Variants in IFT57 observed in about 807,000 individuals in gnomAD.
IFT57 encodes the protein intraflagellar transport 57, also known as intraflagellar transport protein 57 homolog.
IFT57 carries 59 observed loss-of-function variants against 56.8 expected under a neutral mutation model. That is an observed-to-expected ratio of 1.04 (90% confidence interval 0.84 to 1.29). The LOEUF is 1.29. IFT57 is among the 50% of genes most tolerant of loss of function. The probability of loss-of-function intolerance (pLI) is 0.00; values close to 1 mark genes in which losing one functional copy is unlikely to be tolerated. For synonymous variants in IFT57, 209 were observed against 186.1 expected (o/e 1.12, Z -1.00); for missense variants, 470 against 522.1 (o/e 0.90, Z 0.97).
intron 5 of IFT57, among the ~76,000 whole-genome samples, chr3:108,205,979 TAATATATAATA>T (rs1258105214): frequency 1.2e-3 from 68 of 55,068 alleles, no homozygotes; most frequent in East Asian, 2.4e-3. Context: ...TATTTATATA[TAATATATAATA>T]TATTTATGTT....
At position 108,218,575 on chromosome 3, in the gene IFT57, C is replaced by T. The variant is rs762931549; in HGVS notation, c.454G>A (p.Ala152Thr). 14 of 1,558,792 alleles carry T rather than the reference C, an allele frequency of 9.0e-6. No homozygotes were observed. The highest frequency in any genetic ancestry group is 4.2e-5 in the African/African-American group (3 of 71,692). Residue 152 changes from alanine (A) to threonine (T), a missense_variant, in exon 3 of 11, where the codon GCT becomes ACT. Ala to Thr is a moderately conservative substitution (Grantham distance 58). Coordinates refer to ENST00000264538, the MANE Select transcript of IFT57 (RefSeq NM_018010.4). ...CCAATATATTTCAATGCTTCTTCAGCGAAGCAATCAAGAACATAGCATACA... is the reference window on the plus strand; with the variant it reads ...CCAATATATTTCAATGCTTCTTCAGTGAAGCAATCAAGAACATAGCATACA... ...EHVCYVLDCFAEEALKYIGFT... is the reference protein window; with the variant it reads ...EHVCYVLDCFTEEALKYIGFT...
chr3:108,191,755 TTA>T (rs1560114079), intron 5 of IFT57, 112 bp from the exon 6 acceptor site: 3 of 557,792 alleles, frequency 5.4e-6, no homozygotes, highest in Non-Finnish European at 8.5e-6. Context: ...AGTGTTAAAA[TTA>T]TAGTGGAAGA....
At chr3:108,187,289 G>A (rs1158026397) in intron 6 of IFT57, among the ~76,000 whole-genome samples, 1 of 152,094 alleles carries the variant, frequency 6.6e-6, no homozygotes, top group Non-Finnish European at 1.5e-5. Flanking sequence ...CATTCTTTGA[G>A]AACTGGCAAT....
chr3:108,213,333 A>T (rs62267894), intron 4 of IFT57, among the ~76,000 whole-genome samples: 13,890 of 152,150 alleles, frequency 0.091, 694 homozygotes, highest in Middle Eastern at 0.12. Flanking sequence ...TCAAATCACA[A>T]GCACACTTCC....
chr3:108,163,753 G>GAA, intron 9 of IFT57, 24 bp from the exon 10 acceptor site: 1 of 1,432,538 alleles, frequency 7.0e-7, no homozygotes, highest in South Asian at 1.2e-5. Flanking sequence ...AAGTTTTCAT[G>GAA]AGCATTACAT....
chr3:108,211,422 G>A (rs1283170990), intron 4 of IFT57, among the ~76,000 whole-genome samples: 1 of 152,200 alleles, frequency 6.6e-6, no homozygotes, highest in African/African-American at 2.4e-5. Context: ...AAAACAATCT[G>A]AACTTGGTCT....
intron 5 of IFT57, among the ~76,000 whole-genome samples, chr3:108,205,870 T>G (rs2080307504): frequency 7.4e-6 from 1 of 135,374 alleles, no homozygotes; most frequent in African/African-American, 2.7e-5. Flanking sequence ...TATAACATAT[T>G]TATTATATAT....
chr3:108,190,981 C>T (rs774910025), intron 6 of IFT57, among the ~76,000 whole-genome samples: 11 of 151,938 alleles, frequency 7.2e-5, no homozygotes, highest in East Asian at 1.9e-4. Flanking sequence ...TTAGTAGAGA[C>T]GGGGTTTCAC....
At chr3:108,206,548 C>G in intron 5 of IFT57, 80 bp downstream of exon 5, 1 of 574,636 alleles carries the variant, frequency 1.7e-6, no homozygotes, top group Admixed American at 3.0e-5. Flanking sequence ...TGGCCAACAA[C>G]GGTTTCTACT....
chr3:108,191,585 T>A lies in IFT57; in HGVS notation c.713A>T (p.Glu238Val). The change falls in exon 6 of 11, where the codon GAA becomes GTA. Residue 238 changes from glutamate (E) to valine (V), a missense_variant. Physicochemically the swap from Glu to Val is moderately radical, Grantham distance 121. Coordinates refer to ENST00000264538, the MANE Select transcript of IFT57 (RefSeq NM_018010.4). ...DILESTTDAA[E>V]WSLEVERVLP... The stretch of plus-strand genomic sequence containing the variant: ...TACACGTTCCACTTCTAGGCTCCAT[T>A]CTGCAGCATCTGTTGTGGATTCCAA... 6.2e-7 allele frequency: 1 copy of A among 1,609,836 alleles called. No homozygotes were observed. The highest frequency in any genetic ancestry group is 1.1e-5 in the South Asian group (1 of 90,910).
intron 5 of IFT57, among the ~76,000 whole-genome samples, chr3:108,202,607 T>C (rs1181091901): frequency 6.6e-6 from 1 of 152,196 alleles, no homozygotes; most frequent in African/African-American, 2.4e-5. Context: ...TGAAGCCTAA[T>C]ATCCATTCGT....
chr3:108,170,456 C>T (rs1436181894), intron 6 of IFT57, among the ~76,000 whole-genome samples: 1 of 151,792 alleles, frequency 6.6e-6, no homozygotes, highest in Admixed American at 6.6e-5. Flanking sequence ...TGTGAAGGAC[C>T]TCTTCAAGGA....
At chr3:108,201,446 A>T (rs999555236) in intron 5 of IFT57, among the ~76,000 whole-genome samples, 2 of 152,180 alleles carry the variant, frequency 1.3e-5, no homozygotes, top group African/African-American at 4.8e-5. Flanking sequence ...TCCAGATGTA[A>T]AACTGATGGG....
rs1317938805 is a variant in IFT57, at chr3:108,162,513, G to A, written c.1254C>T (p.Ala418=). 1.2e-6 allele frequency: 2 copies of A among 1,608,848 alleles called. No homozygotes were observed. Among genetic ancestry groups the A allele is most frequent in the East Asian group, 2.2e-5 (1 of 44,778 alleles). Residue 418 remains alanine, a synonymous_variant, in exon 11 of 11, where the codon GCC becomes GCT. Coordinates refer to ENST00000264538, the MANE Select transcript of IFT57 (RefSeq NM_018010.4). ...CTGTTGCTGGTTCTGGAATAACTGT[G>A]GCATGCATGTTCCTAGTCATGTTGG... ...EKSNMTRNMH[A]TVIPEPATGF...
intron 3 of IFT57, among the ~76,000 whole-genome samples, chr3:108,214,881 T>C (rs1020175923): frequency 4.6e-5 from 7 of 152,314 alleles, no homozygotes; most frequent in African/African-American, 1.2e-4. Context: ...AAGATTGTTA[T>C]AGTTCTTCTT....
rs781042192 is a variant in IFT57 at position 108,162,497 on chromosome 3, G to A, written c.1270C>T (p.Pro424Ser). 1.2e-6 allele frequency: 2 copies of A among 1,603,806 alleles called. No individual in the cohort carries two copies. The highest frequency in any genetic ancestry group is 1.7e-5 in the Admixed American group (1 of 58,786). ...ATGTTTTAATAAAAGCCTGTTGCTG[G>A]TTCTGGAATAACTGTGGCATGCATG... ...RNMHATVIPEPATGFY is the reference protein window; with the variant it reads ...RNMHATVIPESATGFY The change falls in exon 11 of 11, where the codon CCA becomes TCA. Residue 424 changes from proline (P) to serine (S), a missense_variant. By Grantham distance (74) the Pro-to-Ser change is moderately conservative. Transcript: ENST00000264538.
rs960007862 is a variant in IFT57, at chr3:108,161,824, C to G, written c.*653G>C. The G allele has an allele frequency of 4.6e-5, 7 of 152,180 alleles. No individual in the cohort carries two copies. The highest frequency in any genetic ancestry group is 1.9e-4 in the East Asian group (1 of 5,204). 9.4% of individuals were successfully genotyped at this position (152,180 alleles called of 1,614,324 possible). A position where few individuals can be genotyped will look rare whatever the true frequency, so the allele number is the denominator to read the frequency against. On this transcript the variant is annotated 3_prime_UTR_variant, in exon 11 of 11. Transcript: ENST00000264538. ...ATGCACCTTCTCTTCATTCTAAGAA[C>G]AGAGTCAAACATGAGTGACTGACTT...
chr3:108,162,427 A>G lies in IFT57; in HGVS notation c.*50T>C. The G allele has an allele frequency of 7.0e-7, 1 of 1,419,450 alleles. No homozygotes were observed. The highest frequency in any genetic ancestry group is 1.8e-4 in the Middle Eastern group (1 of 5,456). 87.9% of individuals were successfully genotyped at this position (1,419,450 alleles called of 1,614,324 possible). A position where few individuals can be genotyped will look rare whatever the true frequency, so the allele number is the denominator to read the frequency against. The stretch of plus-strand genomic sequence containing the variant: ...TTGAAATCTATGCAACATGAAATAT[A>G]GTTTGATATAAAAAACCCAACTAAT... On this transcript the variant is annotated 3_prime_UTR_variant, in exon 11 of 11. Coordinates refer to ENST00000264538, the MANE Select transcript of IFT57 (RefSeq NM_018010.4).
intron 5 of IFT57, among the ~76,000 whole-genome samples, chr3:108,195,082 T>C (rs145551375): frequency 1.3e-5 from 2 of 152,150 alleles, no homozygotes; most frequent in African/African-American, 4.8e-5. Context: ...TGAAAGGGGA[T>C]TAACAATCAG....
Sources: allele counts gnomAD v4.1 joint callset (sites outside exome capture counted in the v4.1 genomes callset), GRCh38; gene constraint gnomAD v4.1.1; transcripts MANE v1.5; gene names NCBI Gene and HGNC (gene_info 2026-07-23, HGNC 2026-07-21).